The following STARD8 variants were observed in gnomAD, a reference collection of about 807,000 sequenced individuals.
STARD8 encodes the protein StAR related lipid transfer domain containing 8.
STARD8 carries 25 observed loss-of-function variants against 69.4 expected under a neutral mutation model. The ratio of observed to expected loss-of-function variants is 0.36; its 90% CI spans 0.26 to 0.50. STARD8 has a LOEUF of 0.50. Ranked by LOEUF, STARD8 falls within the 20% of genes least tolerant of loss-of-function variation. The probability of loss-of-function intolerance (pLI) is 0.96; values close to 1 mark genes in which losing one functional copy is unlikely to be tolerated. For missense variants in STARD8, 921 were observed against 932.5 expected (o/e 0.99, Z 0.16); for synonymous variants, 389 against 374.6 (o/e 1.04, Z -0.45).
chrX:68,721,504 A>G, intron 9 of STARD8, 32 bp from the exon 10 acceptor site: 1 of 1,198,878 alleles, frequency 8.3e-7, no homozygotes, highest in Non-Finnish European at 1.1e-6. Flanking sequence ...TGGGGAAGTA[A>G]GGAAGGCTCT....
chrX:68,649,011 C>T lies in STARD8; in HGVS notation c.45+1084C>T, dbSNP rs771531509. On this transcript the variant is annotated intron_variant, in intron 1 of 14. Transcript: ENST00000374599. ...GACTGGCAGAGCTGGGATCTGAGCT[C>T]CTAAGTCCATGCCTTTCTTGACGCT... Among the ~76,000 whole-genome samples, 73 of 112,089 alleles carry T rather than the reference C, an allele frequency of 6.5e-4. 1 individual carries two copies. Among genetic ancestry groups the T allele is most frequent in the African/African-American group, 2.1e-3 (64 of 30,851 alleles).
At chrX:68,669,546 C>T (rs1293251656) in intron 2 of STARD8, among the ~76,000 whole-genome samples, 1 of 112,205 alleles carries the variant, frequency 8.9e-6, no homozygotes, top group East Asian at 2.8e-4. Context: ...CCCAAGGCCC[C>T]CTGCTCCCAG....
intron 2 of STARD8, among the ~76,000 whole-genome samples, chrX:68,693,191 G>A (rs187576076): frequency 8.2e-4 from 92 of 112,760 alleles, no homozygotes; most frequent in African/African-American, 2.6e-3. Flanking sequence ...ACTGGGGCCT[G>A]AGCAACGTAG....
chrX:68,661,679 A>C (rs1358596468), intron 1 of STARD8, among the ~76,000 whole-genome samples: 12 of 111,251 alleles, frequency 1.1e-4, no homozygotes, highest in Non-Finnish European at 1.9e-5. Context: ...TAGCACCACC[A>C]TCCACCCAGT....
intron 2 of STARD8, among the ~76,000 whole-genome samples, chrX:68,672,908 G>A (rs1215427411): frequency 9.0e-6 from 1 of 111,715 alleles, no homozygotes; most frequent in Admixed American, 9.5e-5. Context: ...TTCCAACTCT[G>A]TGTTCATTTG....
chrX:68,665,063 A>G (rs1267193137), intron 1 of STARD8, among the ~76,000 whole-genome samples: 8 of 112,310 alleles, frequency 7.1e-5, no homozygotes, highest in Non-Finnish European at 1.5e-4. Flanking sequence ...GGGTTCTCCA[A>G]TTCTGAATAC....
chrX:68,708,202 C>T (rs1363236563), intron 2 of STARD8, among the ~76,000 whole-genome samples: 1 of 112,657 alleles, frequency 8.9e-6, no homozygotes, highest in African/African-American at 3.2e-5. Flanking sequence ...AATTTGGAAA[C>T]CAAAGCTTAG....
intron 1 of STARD8, among the ~76,000 whole-genome samples, chrX:68,662,226 C>T (rs1461291968): frequency 9.1e-6 from 1 of 109,621 alleles, no homozygotes; most frequent in Non-Finnish European, 1.9e-5. Flanking sequence ...TCAGGCTGGT[C>T]TCGAACTCCC....
intron 1 of STARD8, among the ~76,000 whole-genome samples, chrX:68,651,138 G>A (rs1251169907): frequency 8.9e-6 from 1 of 112,552 alleles, no homozygotes; most frequent in Non-Finnish European, 1.9e-5. Flanking sequence ...ACAGAGGTAA[G>A]CACACAGGCA....
At chrX:68,666,656 T>C (rs1708697422) in intron 2 of STARD8, among the ~76,000 whole-genome samples, 1 of 112,062 alleles carries the variant, frequency 8.9e-6, no homozygotes, top group South Asian at 3.7e-4. Context: ...GTGAGGGGTT[T>C]ATTTGCATTG....
intron 2 of STARD8, among the ~76,000 whole-genome samples, chrX:68,668,855 T>C (rs751640040): frequency 1.1e-4 from 12 of 112,224 alleles, no homozygotes; most frequent in African/African-American, 3.9e-4. Context: ...AATAATAACC[T>C]CACCCTAAGC....
intron 2 of STARD8, among the ~76,000 whole-genome samples, chrX:68,701,197 C>CAAT (rs769648706): frequency 1.8e-5 from 2 of 112,611 alleles, no homozygotes; most frequent in Admixed American, 1.9e-4. Context: ...ATGGTGACAC[C>CAAT]AATAATAATA....
At chrX:68,707,575 T>G (rs1157784316) in intron 2 of STARD8, among the ~76,000 whole-genome samples, 1 of 111,652 alleles carries the variant, frequency 9.0e-6, no homozygotes, top group Non-Finnish European at 1.9e-5. Context: ...TAACTAGTCA[T>G]GGGTGGGGCC....
At chrX:68,653,008 C>T (rs2079567469) in intron 1 of STARD8, among the ~76,000 whole-genome samples, 1 of 17,627 alleles carries the variant, frequency 5.7e-5, no homozygotes, top group Non-Finnish European at 1.1e-4. Context: ...CACACACACA[C>T]CACCACACAC....
intron 2 of STARD8, among the ~76,000 whole-genome samples, chrX:68,688,102 TAGTA>T (rs2079846939): frequency 8.9e-6 from 1 of 112,247 alleles, no homozygotes; most frequent in African/African-American, 3.2e-5. Flanking sequence ...AACTCCTGCT[TAGTA>T]AGTGTGTATG....
rs1020231524 is a variant in STARD8, at chrX:68,668,077, C to A, written c.79+2545C>A. On this transcript the variant is annotated intron_variant, in intron 2 of 14. Coordinates refer to ENST00000374599, the MANE Select transcript of STARD8 (RefSeq NM_001142503.3). ...CTTTCTTTTCTTTCTTTCTTTCTTT[C>A]TTTCTTTCTTTCTTTCTTTCTTTCT... Among the ~76,000 whole-genome samples the A allele has an allele frequency of 2.4e-4, 22 of 90,483 alleles. No homozygotes were observed. In the South Asian group the frequency reaches 4.6e-3, roughly 19 times the overall value. 78.6% of individuals were successfully genotyped at this position (90,483 alleles called of 115,157 possible). A position where few individuals can be genotyped will look rare whatever the true frequency, so the allele number is the denominator to read the frequency against.
At chrX:68,659,422 A>G (rs916442441) in intron 1 of STARD8, among the ~76,000 whole-genome samples, 3 of 111,627 alleles carry the variant, frequency 2.7e-5, no homozygotes, top group African/African-American at 9.8e-5. Context: ...AGGGTCAGGA[A>G]GTGGGTTGTT....
chrX:68,675,772 T>C (rs1055695424), intron 2 of STARD8, among the ~76,000 whole-genome samples: 14 of 111,390 alleles, frequency 1.3e-4, no homozygotes, highest in Non-Finnish European at 1.7e-4. Context: ...GGATCAGATG[T>C]GCCTCATACA....
At chrX:68,676,048 T>C in intron 2 of STARD8, among the ~76,000 whole-genome samples, 1 of 112,468 alleles carries the variant, frequency 8.9e-6, no homozygotes, top group East Asian at 2.8e-4. Flanking sequence ...ATTTAAGACT[T>C]TTTTGGGCCT....
Sources: gnomAD v4.1 joint callset for allele counts (sites outside exome capture counted in the v4.1 genomes callset) on GRCh38, gnomAD v4.1.1 for gene constraint, MANE v1.5 for transcripts, NCBI Gene and HGNC (gene_info 2026-07-23, HGNC 2026-07-21) for gene names.